DIAPH2: variants seen among roughly 807,000 people sequenced by gnomAD.
DIAPH2 encodes protein diaphanous homolog 2.
In DIAPH2, 35 loss-of-function variants were observed where a neutral mutation model predicts 92.7. That is an observed-to-expected ratio of 0.38 (90% CI 0.29 to 0.50). DIAPH2 has a LOEUF of 0.50. Among genes scored for constraint, DIAPH2 ranks in the 20% least tolerant of loss-of-function variants. The pLI, the probability that DIAPH2 is intolerant of heterozygous loss-of-function variation, is 0.94. For missense variants in DIAPH2, 701 were observed against 819.5 expected, an observed-to-expected ratio of 0.86 and a Z score of 1.77; for synonymous variants, 301 against 280.4, an observed-to-expected ratio of 1.07 and a Z score of -0.73.
intron 4 of DIAPH2, among the ~76,000 whole-genome samples, chrX:96,794,751 G>T (rs969616254): frequency 1.8e-5 from 2 of 111,609 alleles, no homozygotes; most frequent in Non-Finnish European, 1.9e-5. Flanking sequence ...ACATAAACTC[G>T]GTTGCTTAAA....
chrX:96,708,152 A>C (rs987171969), intron 1 of DIAPH2, among the ~76,000 whole-genome samples: 1 of 109,565 alleles, frequency 9.1e-6, no homozygotes, highest in African/African-American at 3.3e-5. Context: ...GGATGCTCCA[A>C]ATCCCTTTCT....
At chrX:97,185,329 A>ATATATATG (rs752544747) in intron 22 of DIAPH2, among the ~76,000 whole-genome samples, 1 of 9,406 alleles carries the variant, frequency 1.1e-4, no homozygotes, top group African/African-American at 3.3e-4. Flanking sequence ...ATATATGTGT[A>ATATATATG]TATATATATA....
At chrX:96,820,343 G>A (rs1430329545) in intron 4 of DIAPH2, among the ~76,000 whole-genome samples, 1 of 111,472 alleles carries the variant, frequency 9.0e-6, no homozygotes, top group East Asian at 2.8e-4. Flanking sequence ...GGCGGTGCAC[G>A]CCTGTAGTCC....
chrX:97,594,282 C>G (rs1033738394), intron 26 of DIAPH2, among the ~76,000 whole-genome samples: 2 of 111,578 alleles, frequency 1.8e-5, no homozygotes, highest in African/African-American at 6.5e-5. Flanking sequence ...GGCTGTCCCC[C>G]ACAAAGAGAT....
At chrX:96,902,314 C>G (rs1330367976) in intron 5 of DIAPH2, among the ~76,000 whole-genome samples, 1 of 111,613 alleles carries the variant, frequency 9.0e-6, no homozygotes, top group Non-Finnish European at 1.9e-5. Context: ...TTCTAGGATA[C>G]AGTTTATGTC....
intron 17 of DIAPH2, among the ~76,000 whole-genome samples, chrX:97,068,303 C>T (rs1271963219): frequency 1.3e-4 from 14 of 111,232 alleles, no homozygotes; most frequent in Non-Finnish European, 2.3e-4. Context: ...AAAATTAATG[C>T]CAGATACAGA....
intron 23 of DIAPH2, among the ~76,000 whole-genome samples, chrX:97,277,922 T>C (rs2068464822): frequency 8.9e-6 from 1 of 112,245 alleles, no homozygotes; most frequent in Admixed American, 9.5e-5. Flanking sequence ...CTCGGCTCAC[T>C]GTAACCTCTG....
chrX:97,321,413 AATT>A (rs1343582723), intron 23 of DIAPH2, among the ~76,000 whole-genome samples: 5 of 110,741 alleles, frequency 4.5e-5, no homozygotes, highest in African/African-American at 1.6e-4. Flanking sequence ...TGCTTTAATA[AATT>A]ATTATTGCAA....
At chrX:97,347,193 A>AT (rs752028113) in intron 23 of DIAPH2, among the ~76,000 whole-genome samples, 46 of 105,815 alleles carry the variant, frequency 4.3e-4, no homozygotes, top group Non-Finnish European at 7.9e-4. Context: ...AGTTCAAGCA[A>AT]TTTTCCTGCC....
intron 26 of DIAPH2, among the ~76,000 whole-genome samples, chrX:97,582,461 T>C (rs1265944777): frequency 1.8e-5 from 2 of 108,802 alleles, no homozygotes; most frequent in Non-Finnish European, 3.8e-5. Context: ...AAATTCTGGG[T>C]TGAAAATTCT....
intron 17 of DIAPH2, among the ~76,000 whole-genome samples, chrX:97,033,436 C>A (rs1188773844): frequency 9.0e-6 from 1 of 111,505 alleles, no homozygotes; most frequent in Non-Finnish European, 1.9e-5. Flanking sequence ...CTCCATTAGT[C>A]CTTTTGTTGC....
chrX:96,939,133 T>C (rs1295554906), intron 11 of DIAPH2, 133 bp from the exon 12 acceptor site: 6 of 369,371 alleles, frequency 1.6e-5, no homozygotes, highest in Non-Finnish European at 2.9e-5. Context: ...GTTTAAATAC[T>C]GGATCATAGA....
intron 5 of DIAPH2, among the ~76,000 whole-genome samples, chrX:96,882,645 A>T (rs766812195): frequency 9.0e-6 from 1 of 110,977 alleles, no homozygotes; most frequent in East Asian, 2.8e-4. Context: ...AAAGAAAAAT[A>T]AAATTTCAAT....
chrX:97,306,434 C>T (rs906013886), intron 23 of DIAPH2, among the ~76,000 whole-genome samples: 4 of 111,325 alleles, frequency 3.6e-5, no homozygotes, highest in African/African-American at 1.3e-4. Flanking sequence ...TCAAATCTTG[C>T]TGTATCACTG....
chrX:97,507,141 CAA>C (rs397896097), intron 26 of DIAPH2, among the ~76,000 whole-genome samples: 155 of 31,138 alleles, frequency 5.0e-3, no homozygotes, highest in Middle Eastern at 0.04. Context: ...ACAAAACCGA[CAA>C]AAAAAAAAAA....
intron 23 of DIAPH2, among the ~76,000 whole-genome samples, chrX:97,287,094 G>T (rs764755954): frequency 9.0e-5 from 10 of 111,636 alleles, no homozygotes; most frequent in Non-Finnish European, 1.7e-4. Context: ...TTATAAAAAT[G>T]ATTTTAAGAA....
chrX:96,888,258 G>A (rs1317291887), intron 5 of DIAPH2, among the ~76,000 whole-genome samples: 1 of 108,051 alleles, frequency 9.3e-6, no homozygotes, highest in Non-Finnish European at 1.9e-5. Context: ...ACGGGGTTTC[G>A]CCATGTTGGC....
At chrX:97,431,109 A>G (rs2070122260) in intron 26 of DIAPH2, among the ~76,000 whole-genome samples, 1 of 112,306 alleles carries the variant, frequency 8.9e-6, no homozygotes, top group South Asian at 3.7e-4. Flanking sequence ...TACTAGGAGC[A>G]CTACTCATCT....
At chrX:97,577,644 T>C (rs1472413472) in intron 26 of DIAPH2, among the ~76,000 whole-genome samples, 1 of 111,766 alleles carries the variant, frequency 8.9e-6, no homozygotes, top group Non-Finnish European at 1.9e-5. Context: ...ATCTGGAAGA[T>C]ATATAGATGT....
Sources: allele counts gnomAD v4.1 joint callset (sites outside exome capture counted in the v4.1 genomes callset), GRCh38; gene constraint gnomAD v4.1.1; transcripts MANE v1.5; gene names NCBI Gene and HGNC (gene_info 2026-07-23, HGNC 2026-07-21).